MBOAT2: variants seen among roughly 807,000 people sequenced by gnomAD.
MBOAT2 encodes membrane bound glycerophospholipid O-acyltransferase 2, also known as membrane-bound glycerophospholipid O-acyltransferase 2.
In MBOAT2, 28 loss-of-function variants were observed where a neutral mutation model predicts 63.4. The observed-to-expected ratio is 0.44, with a 90% CI of 0.33 to 0.61. MBOAT2 has a LOEUF of 0.61. MBOAT2 is among the 20% of genes least tolerant of loss of function. The probability of loss-of-function intolerance (pLI) is 0.03; values close to 1 mark genes in which losing one functional copy is unlikely to be tolerated. For synonymous variants in MBOAT2, 211 were observed against 215.6 expected (o/e 0.98, Z 0.19); for missense variants, 470 against 605.8 (o/e 0.78, Z 2.35).
intron 1 of MBOAT2, among the ~76,000 whole-genome samples, chr2:9,000,954 CT>C (rs1232426925): frequency 1.3e-5 from 2 of 152,088 alleles, no homozygotes; most frequent in Non-Finnish European, 2.9e-5. Flanking sequence ...ATTCTATCGG[CT>C]TTTTTCTATT....
chr2:8,929,233 T>C (rs1667141323), intron 3 of MBOAT2, among the ~76,000 whole-genome samples: 2 of 152,248 alleles, frequency 1.3e-5, no homozygotes, highest in South Asian at 4.1e-4. Flanking sequence ...ATTACTGCTA[T>C]AGAAAGTACT....
chr2:8,885,971 A>G (rs1663519649), intron 5 of MBOAT2, among the ~76,000 whole-genome samples: 1 of 152,216 alleles, frequency 6.6e-6, no homozygotes, highest in South Asian at 2.1e-4. Context: ...CGGCTGGTGT[A>G]TGAGAACTTG....
At chr2:8,867,132 G>T (rs1477841714) in intron 9 of MBOAT2, among the ~76,000 whole-genome samples, 2 of 152,034 alleles carry the variant, frequency 1.3e-5, no homozygotes, top group African/African-American at 4.8e-5. Flanking sequence ...ACGGCTCACT[G>T]CAGCCTGCTG....
chr2:8,902,695 C>A (rs1665045974), intron 4 of MBOAT2, among the ~76,000 whole-genome samples: 1 of 152,142 alleles, frequency 6.6e-6, no homozygotes, highest in Non-Finnish European at 1.5e-5. Flanking sequence ...CTTGCTCATT[C>A]CTCCCAGTGG....
At chr2:8,943,907 G>A (rs536369578) in intron 2 of MBOAT2, among the ~76,000 whole-genome samples, 6 of 152,020 alleles carry the variant, frequency 3.9e-5, no homozygotes, top group Non-Finnish European at 7.4e-5. Context: ...ACTGTTGCCT[G>A]GGCTGGAGTA....
chr2:8,937,571 A>G (rs1667756271), intron 3 of MBOAT2, among the ~76,000 whole-genome samples: 1 of 152,220 alleles, frequency 6.6e-6, no homozygotes, highest in Non-Finnish European at 1.5e-5. Flanking sequence ...AGATTGAGAC[A>G]TCTCAGCAAG....
At chr2:8,899,420 A>G (rs376280450) in intron 4 of MBOAT2, among the ~76,000 whole-genome samples, 2 of 152,290 alleles carry the variant, frequency 1.3e-5, no homozygotes, top group East Asian at 3.9e-4. Context: ...CATCCAGGAC[A>G]GGAGATTAGC....
At chr2:8,885,541 G>T (rs927311608) in intron 5 of MBOAT2, among the ~76,000 whole-genome samples, 29 of 151,944 alleles carry the variant, frequency 1.9e-4, no homozygotes, top group Admixed American at 1.3e-3. Context: ...TATTCCTATT[G>T]TGAGGTGACA....
chr2:8,883,454 C>G (rs1027083821), intron 5 of MBOAT2, among the ~76,000 whole-genome samples: 7 of 152,100 alleles, frequency 4.6e-5, no homozygotes, highest in African/African-American at 1.7e-4. Context: ...ATAATACAAT[C>G]TAAATTATGT....
intron 1 of MBOAT2, among the ~76,000 whole-genome samples, chr2:8,972,615 C>T (rs1404777286): frequency 1.3e-5 from 2 of 152,152 alleles, no homozygotes; most frequent in Non-Finnish European, 2.9e-5. Context: ...TTGCAATCTA[C>T]TCACCTGACA....
chr2:8,976,789 C>T (rs62119990), intron 1 of MBOAT2, among the ~76,000 whole-genome samples: 6,394 of 152,234 alleles, frequency 0.042, 148 homozygotes, highest in Non-Finnish European at 0.057. Context: ...AGTAGTCTAA[C>T]TTCATAATGA....
chr2:8,983,567 A>C (rs2103342689), intron 1 of MBOAT2, among the ~76,000 whole-genome samples: 1 of 152,316 alleles, frequency 6.6e-6, no homozygotes, highest in Non-Finnish European at 1.5e-5. Context: ...TCCAGACTTA[A>C]GGAGACTAAA....
At chr2:8,912,337 AAGAAAGAAAGAAAG>A (rs1387175694) in intron 3 of MBOAT2, among the ~76,000 whole-genome samples, 55 of 109,052 alleles carry the variant, frequency 5.0e-4, no homozygotes, top group Middle Eastern at 4.0e-3. Context: ...GAAAGAAAGA[AAGAAAGAAAGAAAG>A]AGAAAGAAAG....
At chr2:8,947,825 T>C (rs1558645917) in intron 2 of MBOAT2, among the ~76,000 whole-genome samples, 1 of 152,236 alleles carries the variant, frequency 6.6e-6, no homozygotes, top group African/African-American at 2.4e-5. Context: ...AGGAGATTAA[T>C]GTTGTTTCCA....
At chr2:8,890,431 A>G (rs1663907150) in intron 4 of MBOAT2, among the ~76,000 whole-genome samples, 1 of 152,212 alleles carries the variant, frequency 6.6e-6, no homozygotes, top group Non-Finnish European at 1.5e-5. Flanking sequence ...CCTTTTTAAG[A>G]AAGTCCATGA....
At chr2:8,930,350 G>A (rs532383481) in intron 3 of MBOAT2, among the ~76,000 whole-genome samples, 1 of 152,214 alleles carries the variant, frequency 6.6e-6, no homozygotes, top group East Asian at 1.9e-4. Flanking sequence ...TTGTCCTTGC[G>A]ATAGTTTGCT....
intron 1 of MBOAT2, among the ~76,000 whole-genome samples, chr2:8,984,412 C>G (rs552799392): frequency 6.6e-6 from 1 of 152,140 alleles, no homozygotes; most frequent in Non-Finnish European, 1.5e-5. Context: ...TACATACATA[C>G]GTTTGTGGTT....
At chr2:8,984,750 C>T (rs1671439263) in intron 1 of MBOAT2, among the ~76,000 whole-genome samples, 1 of 152,050 alleles carries the variant, frequency 6.6e-6, no homozygotes, top group Non-Finnish European at 1.5e-5. Flanking sequence ...AATCAATTTC[C>T]ACAACAACTT....
At chr2:8,882,606 C>G in intron 5 of MBOAT2, 41 bp from the exon 6 acceptor site, 1 of 1,596,596 alleles carries the variant, frequency 6.3e-7, no homozygotes, top group African/African-American at 1.3e-5. Context: ...AAGATTTCTC[C>G]CCAAAATGGC....
Sources: allele counts gnomAD v4.1 joint callset (sites outside exome capture counted in the v4.1 genomes callset), GRCh38; gene constraint gnomAD v4.1.1; transcripts MANE v1.5; gene names NCBI Gene and HGNC (gene_info 2026-07-23, HGNC 2026-07-21).